LRRC27: variants seen among roughly 807,000 people sequenced by gnomAD.
LRRC27 encodes the protein leucine rich repeat containing 27, also known as leucine-rich repeat-containing protein 27.
A neutral mutation model predicts 55.0 loss-of-function variants in LRRC27; 57 were observed. The observed-to-expected ratio is 1.04, with a 90% CI of 0.84 to 1.29. The LOEUF (loss-of-function observed/expected upper bound fraction) is 1.29, where lower values mean the gene tolerates loss of function less well. LRRC27 is among the 50% of genes most tolerant of loss of function. The pLI is 0.00. For synonymous variants in LRRC27, 278 were observed against 251.9 expected, an observed-to-expected ratio of 1.10 and a Z score of -0.98; for missense variants, 721 against 651.5, an observed-to-expected ratio of 1.11 and a Z score of -1.16.
intron 10 of LRRC27, among the ~76,000 whole-genome samples, chr10:132,368,802 G>A (rs1038531505): frequency 1.3e-5 from 2 of 152,040 alleles, no homozygotes; most frequent in Non-Finnish European, 2.9e-5. Context: ...TTGATAAGCC[G>A]GGCTTCATTA....
At position 132,368,336 on chromosome 10, in the gene LRRC27, A is replaced by T. The variant is rs534128051; in HGVS notation, c.1416+2786A>T. ...TGTGAATATTGACAAACTGTTTCTA[A>T]AGCATATATGGAGAGGATGAGACCT... On this transcript the variant is annotated intron_variant, in intron 10 of 10. Transcript: ENST00000368614. 8.5e-5 allele frequency among the ~76,000 whole-genome samples: 13 copies of T among 152,322 alleles called. No homozygotes were observed. The East Asian group carries it at 2.5e-3, about 29-fold the overall frequency.
intron 9 of LRRC27, among the ~76,000 whole-genome samples, chr10:132,362,025 G>A (rs1404024990): frequency 2.6e-5 from 4 of 152,190 alleles, no homozygotes; most frequent in Admixed American, 6.5e-5. Flanking sequence ...CCTCAGGGCC[G>A]CTCAGCCCTT....
upstream of LRRC27, chr10:132,331,535 C>T: frequency 6.2e-7 from 1 of 1,612,946 alleles, no homozygotes; most frequent in Non-Finnish European, 8.5e-7. Flanking sequence ...AGTCCTGAGG[C>T]AAGATTTGGG....
chr10:132,351,247 G>T, intron 6 of LRRC27: 1 of 181,580 alleles, frequency 5.5e-6, no homozygotes, highest in Non-Finnish European at 1.2e-5. Context: ...CTGCTTCCGC[G>T]GGCATCTCTG....
chr10:132,352,227 AGCGCTCGTGGTCT>A, intron 7 of LRRC27, among the ~76,000 whole-genome samples: 1 of 105,446 alleles, frequency 9.5e-6, no homozygotes. Flanking sequence ...GGGCAGGTGC[AGCGCTCGTGGTCT>A]GCAGGGCGTT....
At chr10:132,331,921 C>G (rs2066780565), upstream of LRRC27, 1 of 712,132 alleles carries the variant, frequency 1.4e-6, no homozygotes, top group Admixed American at 3.6e-5. Context: ...CCACAACCCC[C>G]CCACCGCAAG....
intron 10 of LRRC27, among the ~76,000 whole-genome samples, chr10:132,371,988 G>A (rs1020219757): frequency 6.6e-6 from 1 of 152,258 alleles, no homozygotes; most frequent in African/African-American, 2.4e-5. Context: ...TTGCACGAAG[G>A]AAGCCCCCTA....
chr10:132,381,016 G>A lies in LRRC27; in HGVS notation c.*5774G>A, dbSNP rs1222505953. On this transcript the variant is annotated 3_prime_UTR_variant, in exon 11 of 11. Transcript: ENST00000368614. ...TTATGTGGGTATAGGATTGCTGTGT[G>A]TGATGGTTCATATTAAATGTCAACT... is the stretch of plus-strand genomic sequence containing the variant. Among the ~76,000 whole-genome samples, 1 of 152,218 alleles carries A rather than the reference G, an allele frequency of 6.6e-6. No individual in the cohort carries two copies. The highest frequency in any genetic ancestry group is 1.5e-5 in the Non-Finnish European group (1 of 68,034).
intron 3 of LRRC27, among the ~76,000 whole-genome samples, chr10:132,340,055 C>T (rs983439124): frequency 2.6e-5 from 4 of 152,326 alleles, no homozygotes; most frequent in Middle Eastern, 3.4e-3. Flanking sequence ...ACGGTGTTAG[C>T]ATGCCACCTT....
At chr10:132,331,614 G>A, upstream of LRRC27, 1 of 1,612,904 alleles carries the variant, frequency 6.2e-7, no homozygotes, top group South Asian at 1.1e-5. Context: ...AGCCCAGCGG[G>A]AAGGACAGGC....
intron 2 of LRRC27, among the ~76,000 whole-genome samples, 154 bp downstream of exon 2, chr10:132,333,888 G>A (rs923346703): frequency 1.3e-5 from 2 of 152,160 alleles, no homozygotes; most frequent in Admixed American, 1.3e-4. Flanking sequence ...AGTTTCATAC[G>A]CCAATCACAA....
chr10:132,359,472 G>A lies in LRRC27; in HGVS notation c.1171-1985G>A, dbSNP rs561691685. ...GCAGCTGGGCAGGAGGACACGAGAG[G>A]GCGCCACGGCCTTGGGTGGCCACTG... On this transcript the variant is annotated intron_variant, in intron 8 of 10. Transcript: ENST00000368614. 2.6e-5 allele frequency among the ~76,000 whole-genome samples: 4 copies of A among 152,348 alleles called. No individual in the cohort carries two copies. The South Asian group carries it at 8.3e-4, about 32-fold the overall frequency.
rs372539015 is a variant in LRRC27 at position 132,335,477 on chromosome 10, G to C, written c.210+1743G>C. Among the ~76,000 whole-genome samples the C allele has an allele frequency of 1.6e-3, 241 of 146,798 alleles. 1 individual carries two copies. The highest frequency in any genetic ancestry group is 6.1e-3 in the South Asian group (28 of 4,600). Reference sequence around the variant, plus strand: ...AGATCCTCAGAGGCTGAGTACTATGGGGGGGGGTCACAGTCTTCCTGGATG... The same window carrying C: ...AGATCCTCAGAGGCTGAGTACTATGCGGGGGGGTCACAGTCTTCCTGGATG... On this transcript the variant is annotated intron_variant, in intron 2 of 10. Coordinates refer to ENST00000368614, the MANE Select transcript of LRRC27 (RefSeq NM_030626.3).
At chr10:132,344,127 G>A (rs1379163732) in intron 4 of LRRC27, among the ~76,000 whole-genome samples, 6 of 152,130 alleles carry the variant, frequency 3.9e-5, no homozygotes, top group African/African-American at 9.7e-5. Context: ...TGTCTGCTCC[G>A]TTCCTGAGTG....
intron 3 of LRRC27, among the ~76,000 whole-genome samples, chr10:132,339,773 C>T (rs553410019): frequency 1.3e-5 from 2 of 152,220 alleles, no homozygotes; most frequent in Non-Finnish European, 2.9e-5. Flanking sequence ...GTAAGTGCTA[C>T]TCAGAGGATG....
At chr10:132,355,373 G>A (rs901575481) in intron 7 of LRRC27, among the ~76,000 whole-genome samples, 2 of 152,212 alleles carry the variant, frequency 1.3e-5, no homozygotes, top group Admixed American at 6.5e-5. Flanking sequence ...TCTGAAGGGA[G>A]GGACTTAGAG....
chr10:132,341,354 T>C (rs983119009), intron 3 of LRRC27, among the ~76,000 whole-genome samples: 6 of 152,312 alleles, frequency 3.9e-5, no homozygotes, highest in African/African-American at 1.4e-4. Flanking sequence ...GTCACTGCAC[T>C]CCAGCCTGGG....
At chr10:132,342,178 C>A (rs750204227) in intron 3 of LRRC27, 35 bp from the exon 4 acceptor site, 36 of 1,375,446 alleles carry the variant, frequency 2.6e-5, no homozygotes, top group Non-Finnish European at 3.3e-5. Context: ...TTAAATCTTG[C>A]TTTTTAAATT....
chr10:132,331,552 C>T, upstream of LRRC27: 3 of 1,612,936 alleles, frequency 1.9e-6, no homozygotes, highest in Non-Finnish European at 2.5e-6. Flanking sequence ...TGGGGACAAG[C>T]AGCTCCTGTG....
Sources: allele counts gnomAD v4.1 joint callset (sites outside exome capture counted in the v4.1 genomes callset), GRCh38; gene constraint gnomAD v4.1.1; transcripts MANE v1.5; gene names NCBI Gene and HGNC (gene_info 2026-07-23, HGNC 2026-07-21).